TSC2: variants seen among roughly 807,000 people sequenced by gnomAD.
The protein encoded by TSC2 is tuberin.
In TSC2, 29 loss-of-function variants were observed where a neutral mutation model predicts 202.2. That is an observed-to-expected ratio of 0.14 (90% CI 0.11 to 0.20). TSC2 has a LOEUF of 0.20. Among genes scored for constraint, TSC2 ranks in the 10% least tolerant of loss-of-function variants. TSC2 has a pLI of 1.00. For missense variants in TSC2, 2,429 were observed against 2,420.0 expected (o/e 1.00, Z -0.08); for synonymous variants, 1,349 against 1,044.0 (o/e 1.29, Z -5.63).
rs1567490884 is a variant in TSC2, at chr16:2,077,656, T to C, written c.2896T>C (p.Phe966Leu). Residue 966 changes from phenylalanine (F) to leucine (L), a missense_variant, in exon 26 of 42, where the codon TTC becomes CTC. Coordinates refer to ENST00000219476, the MANE Select transcript of TSC2 (RefSeq NM_000548.5). ...GLNNSPPVKE[F>L]KESSAAEAFR... ...GAATAACTCTCCACCCGTGAAAGAA[T>C]TCAAGGAGAGCTCTGCAGCCGAGGC... 23 of 1,612,952 alleles carry C rather than the reference T, an allele frequency of 1.4e-5. No homozygotes were observed. The highest frequency in any genetic ancestry group is 1.9e-5 in the Non-Finnish European group (22 of 1,180,024).
intron 21 of TSC2, 86 bp downstream of exon 21, chr16:2,073,069 A>C: frequency 4.4e-6 from 7 of 1,592,940 alleles, no homozygotes. Flanking sequence ...TTTTCTCATA[A>C]ACGAGTTTCT....
chr16:2,083,106 G>C (rs535579916), intron 32 of TSC2: 2 of 455,222 alleles, frequency 4.4e-6, no homozygotes, highest in South Asian at 3.1e-5. Context: ...GCAGGGCTGT[G>C]GGGCGCCCGG....
chr16:2,080,257 G>T lies in TSC2; in HGVS notation c.3490G>T (p.Ala1164Ser), dbSNP rs776579875. ...TCCAGGACCACGGACTGCACCAGCC[G>T]CGAAACCTGAGAAGGCCTCAGCTGG... ...TSPGPRTAPA[A>S]KPEKASAGTR... Residue 1164 changes from alanine to serine, a missense_variant, in exon 30 of 42, where the codon GCG (alanine) becomes TCG (serine). Physicochemically the swap from Ala to Ser is moderately conservative, Grantham distance 99 (BLOSUM62 1). Transcript: ENST00000219476. The T allele has an allele frequency of 3.0e-5, 49 of 1,613,002 alleles. No individual in the cohort carries two copies. In the South Asian group the frequency reaches 5.3e-4, roughly 17 times the overall value.
At position 2,087,985 on chromosome 16, in the gene TSC2, G is replaced by C. The variant is rs371637441; in HGVS notation, c.5068+44G>C. 5 of 1,612,560 alleles carry C rather than the reference G, an allele frequency of 3.1e-6. No individual in the cohort carries two copies. In the African/African-American group the frequency reaches 5.3e-5, roughly 17 times the overall value. ...CTGCAGTGCAGGAAAGGTAGGGCCG[G>C]GTGGGGCCCTGCAGTGTGGCGCCAA... On this transcript the variant is annotated intron_variant, in intron 39 of 41. Transcript: ENST00000219476.
rs1051877392 is a variant in TSC2 at position 2,056,892 on chromosome 16, C to T, written c.774+123C>T. 7.4e-5 allele frequency: 112 copies of T among 1,505,962 alleles called. No individual in the cohort carries two copies. The Admixed American group carries it at 8.4e-4, about 11-fold the overall frequency. The allele number at this position is 1,505,962 out of a possible 1,614,324, so 93.3% of individuals were successfully genotyped here. A position where few individuals can be genotyped will look rare whatever the true frequency, so the allele number is the denominator to read the frequency against. On this transcript the variant is annotated intron_variant, in intron 8 of 41. Transcript: ENST00000219476. ...GGCCAGACAATGGCCTGTTGAGGGACGGCCAGTGTCATTTTCCCAGGCAGT... is the reference window on the plus strand; with the variant it reads ...GGCCAGACAATGGCCTGTTGAGGGATGGCCAGTGTCATTTTCCCAGGCAGT...
chr16:2,071,240 C>A, intron 17 of TSC2: 1 of 553,820 alleles, frequency 1.8e-6, no homozygotes, highest in Non-Finnish European at 3.3e-6. Flanking sequence ...AGGCGCCCAT[C>A]CCTTCCATCC....
chr16:2,070,668 C>T lies in TSC2; in HGVS notation c.1839+90C>T, dbSNP rs1015299182. 26 of 1,590,020 alleles carry T rather than the reference C, an allele frequency of 1.6e-5. No homozygotes were observed. In the East Asian group the frequency reaches 2.1e-4, roughly 13 times the overall value. On this transcript the variant is annotated intron_variant, in intron 17 of 41. Coordinates refer to ENST00000219476, the MANE Select transcript of TSC2 (RefSeq NM_000548.5). ...GTGTGGTTCCTGGAAGCTGCAGAGA[C>T]GGCCCCAGGATGGGGCCTCAGCTGA...
At chr16:2,087,761 C>G (rs2091023928) in intron 38 of TSC2, 102 bp from the exon 39 acceptor site, 1 of 1,398,774 alleles carries the variant, frequency 7.1e-7, no homozygotes, top group East Asian at 2.5e-5. Context: ...CAGATGCTGC[C>G]CATGGAGCTG....
chr16:2,073,053 C>T, intron 21 of TSC2, 70 bp downstream of exon 21: 1 of 1,607,362 alleles, frequency 6.2e-7, no homozygotes, highest in Non-Finnish European at 8.5e-7. Context: ...CAGGTAGGCC[C>T]CACATTTTTC....
rs374642746 is a variant in TSC2 at position 2,087,532 on chromosome 16, G to A, written c.4990-331G>A. The stretch of plus-strand genomic sequence containing the variant: ...CGGCTGAGGAGGGTGTGGTGGTGCC[G>A]AGATGGGGTGCACGGCTCACTTCAT... On this transcript the variant is annotated intron_variant, in intron 38 of 41. Transcript: ENST00000219476. Among the ~76,000 whole-genome samples, 7 of 151,524 alleles carry A rather than the reference G, an allele frequency of 4.6e-5. No homozygotes were observed. In the East Asian group the frequency reaches 9.8e-4, roughly 21 times the overall value.
chr16:2,074,803 G>A, intron 22 of TSC2: 1 of 307,512 alleles, frequency 3.3e-6, no homozygotes, highest in South Asian at 3.3e-5. Context: ...ATGTTGAGAT[G>A]GCAGAAGGGC....
chr16:2,081,073 G>A (rs376432984), intron 30 of TSC2: 17 of 232,572 alleles, frequency 7.3e-5, no homozygotes, highest in African/African-American at 2.5e-4. Context: ...CTTAGGGTCC[G>A]CTCTGGTCCC....
intron 10 of TSC2, 63 bp downstream of exon 10, chr16:2,058,936 A>C (rs1596289789): frequency 6.4e-7 from 1 of 1,570,422 alleles, no homozygotes. Flanking sequence ...ACGCCTGCCC[A>C]CCCATCCCAC....
At chr16:2,078,491 T>C (rs1407574658) in intron 26 of TSC2, 3 of 193,894 alleles carry the variant, frequency 1.5e-5, no homozygotes, top group African/African-American at 4.7e-5. Flanking sequence ...TCTAGCACAT[T>C]CTGTATCATG....
chr16:2,051,384 G>A (rs746839792), intron 3 of TSC2, among the ~76,000 whole-genome samples: 4 of 151,988 alleles, frequency 2.6e-5, no homozygotes, highest in Non-Finnish European at 2.9e-5. Flanking sequence ...GCTCTCTCCT[G>A]TTACAAGTTC....
chr16:2,075,718 C>A (rs955206910), intron 22 of TSC2, 81 bp from the exon 23 acceptor site: 3 of 1,468,412 alleles, frequency 2.0e-6, no homozygotes, highest in East Asian at 4.6e-5. Context: ...CCATCGCTGC[C>A]GTGGGCAGAG....
intron 3 of TSC2, 59 bp downstream of exon 3, chr16:2,050,545 T>C: frequency 6.6e-7 from 1 of 1,516,346 alleles, no homozygotes; most frequent in South Asian, 1.1e-5. Context: ...GAGCCTGAGT[T>C]TGCTTTTTTT....
At chr16:2,055,617 G>A in intron 6 of TSC2, 98 bp downstream of exon 6, 3 of 1,181,738 alleles carry the variant, frequency 2.5e-6, no homozygotes. Flanking sequence ...GTTGGGCTGG[G>A]CACAATGGCT....
rs1459924996 is a variant in TSC2 at position 2,062,568 on chromosome 16, G to C, written c.1329G>C (p.Gln443His). Residue 443 changes from glutamine to histidine, a missense_variant, in exon 13 of 42, where the codon CAG becomes CAC. Transcript: ENST00000219476. ...ACCCGGCCAAGGACGGCTGGATTCA[G>C]AACCTGCAGGCGCTGATGGAGAGAT... ...SIHPAKDGWI[Q>H]NLQALMERFF... 6.2e-7 allele frequency: 1 copy of C among 1,611,696 alleles called. No homozygotes were observed. The highest frequency in any genetic ancestry group is 1.7e-5 in the Admixed American group (1 of 59,816).
Sources: allele counts gnomAD v4.1 joint callset (sites outside exome capture counted in the v4.1 genomes callset), GRCh38; gene constraint gnomAD v4.1.1; transcripts MANE v1.5; gene names NCBI Gene and HGNC (gene_info 2026-07-23, HGNC 2026-07-21).